Variants in FAM227B observed in about 807,000 individuals in gnomAD.
FAM227B encodes protein FAM227B.
FAM227B carries 88 observed loss-of-function variants against 73.8 expected under a neutral mutation model. The ratio of observed to expected loss-of-function variants is 1.19; its 90% confidence interval spans 1.00 to 1.42. The LOEUF (loss-of-function observed/expected upper bound fraction) is 1.42. Among genes scored for constraint, FAM227B ranks in the 40% most tolerant of loss-of-function variants. The probability of loss-of-function intolerance (pLI) is 0.00; values close to 1 mark genes in which losing one functional copy is unlikely to be tolerated. For synonymous variants in FAM227B, 210 were observed against 190.5 expected, an observed-to-expected ratio of 1.10 and a Z score of -0.84; for missense variants, 632 against 590.9, an observed-to-expected ratio of 1.07 and a Z score of -0.72.
intron 6 of FAM227B, 22 bp from the exon 7 acceptor site, chr15:49,576,867 A>G (rs1330102443): frequency 9.1e-6 from 13 of 1,428,966 alleles, no homozygotes; most frequent in African/African-American, 1.4e-5. Flanking sequence ...AAAATATAAC[A>G]GGAGAGTAAA....
At chr15:49,427,942 G>A (rs1191106719) in intron 11 of FAM227B, among the ~76,000 whole-genome samples, 2 of 151,976 alleles carry the variant, frequency 1.3e-5, no homozygotes, top group Non-Finnish European at 2.9e-5. Context: ...TGGATTGTGA[G>A]GTTGTCACTT....
In FAM227B at chr15:49,329,806, T is replaced by TAAAA. The variant is rs558009170; in HGVS notation, c.1420-1135_1420-1132dup. On this transcript the variant is annotated intron_variant, in intron 15 of 15. Transcript: ENST00000299338. The stretch of plus-strand genomic sequence containing the variant: ...TTCTTTAAAGATACCTGGATCAGTG[T>TAAAA]AAAAAAAAAAAAAAAAAGGCACCTG... 24 of 729,654 alleles carry TAAAA rather than the reference T, an allele frequency of 3.3e-5. No homozygotes were observed. The Admixed American group carries it at 5.1e-4, about 16-fold the overall frequency. 45.2% of individuals were successfully genotyped at this position (729,654 alleles called of 1,614,324 possible).
At chr15:49,436,714 A>G (rs1284593651) in intron 11 of FAM227B, among the ~76,000 whole-genome samples, 2 of 151,576 alleles carry the variant, frequency 1.3e-5, no homozygotes, top group African/African-American at 4.8e-5. Flanking sequence ...ATAGCTAGTA[A>G]CTGTCAAAGT....
intron 11 of FAM227B, among the ~76,000 whole-genome samples, chr15:49,471,269 T>G (rs1316028411): frequency 6.6e-6 from 1 of 151,706 alleles, no homozygotes; most frequent in East Asian, 1.9e-4. Flanking sequence ...GTGGATCACC[T>G]AGGTCAGGAG....
rs1243927630 is a variant in FAM227B, at chr15:49,489,879, T to TAGAG, written c.1012+18331_1012+18332insCTCT. Among the ~76,000 whole-genome samples the TAGAG allele has an allele frequency of 5.4e-4, 10 of 18,480 alleles. 1 individual carries two copies. The highest frequency in any genetic ancestry group is 2.0e-3 in the South Asian group (1 of 496). 12.1% of individuals were successfully genotyped at this position (18,480 alleles called of 152,430 possible). ...TATATTTTATATATATATATATATA[T>TAGAG]ATATAGAGAGAGAGAGAGAGAGAGA... On this transcript the variant is annotated intron_variant, in intron 11 of 15. Transcript: ENST00000299338.
chr15:49,469,363 T>G (rs2054539889), intron 11 of FAM227B, among the ~76,000 whole-genome samples: 1 of 152,164 alleles, frequency 6.6e-6, no homozygotes, highest in South Asian at 2.1e-4. Context: ...TTTAATTCTA[T>G]TTCTACTTGA....
intron 9 of FAM227B, among the ~76,000 whole-genome samples, chr15:49,543,554 G>GT (rs2071384959): frequency 6.6e-6 from 1 of 151,992 alleles, no homozygotes; most frequent in Admixed American, 6.6e-5. Context: ...TTTGCTTTTG[G>GT]TTTTTTGGTC....
At chr15:49,358,809 G>A (rs2043648880) in intron 13 of FAM227B, among the ~76,000 whole-genome samples, 1 of 152,038 alleles carries the variant, frequency 6.6e-6, no homozygotes, top group Admixed American at 6.6e-5. Flanking sequence ...AACAAAGCTG[G>A]AGACATCACA....
chr15:49,512,463 C>A (rs2059074960), intron 10 of FAM227B, among the ~76,000 whole-genome samples: 1 of 151,750 alleles, frequency 6.6e-6, no homozygotes, highest in East Asian at 1.9e-4. Flanking sequence ...ATTTTTTGTC[C>A]CTTATCATTA....
chr15:49,458,994 T>A (rs1462445069), intron 11 of FAM227B, among the ~76,000 whole-genome samples: 1 of 152,178 alleles, frequency 6.6e-6, no homozygotes, highest in African/African-American at 2.4e-5. Flanking sequence ...ATTCGTTTGA[T>A]TGTCCTTCAT....
At chr15:49,373,070 A>G (rs1409385116) in intron 11 of FAM227B, among the ~76,000 whole-genome samples, 1 of 152,080 alleles carries the variant, frequency 6.6e-6, no homozygotes, top group Non-Finnish European at 1.5e-5. Context: ...ATTCTTAAAT[A>G]CACATATAAT....
At position 49,496,475 on chromosome 15, in the gene FAM227B, G is replaced by A. The variant is rs1485776758; in HGVS notation, c.1012+11736C>T. ...TAAAGAAATTAACATTAAAATTTTA[G>A]TCTTGTAAATAATCTAACAATACAC... is the stretch of plus-strand genomic sequence containing the variant. On this transcript the variant is annotated intron_variant, in intron 11 of 15. Coordinates refer to ENST00000299338, the MANE Select transcript of FAM227B (RefSeq NM_152647.3). Among the ~76,000 whole-genome samples the A allele has an allele frequency of 2.0e-5, 3 of 152,282 alleles. 1 individual carries two copies. In the South Asian group the frequency reaches 6.2e-4, roughly 32 times the overall value.
intron 11 of FAM227B, chr15:49,395,872 A>C (rs1057281927): frequency 4.2e-5 from 19 of 450,096 alleles, no homozygotes; most frequent in Middle Eastern, 3.3e-4. Flanking sequence ...AATCTCTCTA[A>C]ATTTTCATGG....
chr15:49,391,098 C>A (rs1044930948), intron 11 of FAM227B, among the ~76,000 whole-genome samples: 12 of 152,042 alleles, frequency 7.9e-5, no homozygotes, highest in African/African-American at 2.9e-4. Flanking sequence ...AATTTATATT[C>A]AAATTATGTC....
chr15:49,539,430 T>C (rs2070741572), intron 10 of FAM227B, among the ~76,000 whole-genome samples: 1 of 152,204 alleles, frequency 6.6e-6, no homozygotes, highest in African/African-American at 2.4e-5. Flanking sequence ...TGATGTTCAG[T>C]GCCCACAAAA....
At chr15:49,490,420 A>G (rs76998055) in intron 11 of FAM227B, among the ~76,000 whole-genome samples, 1,682 of 152,134 alleles carry the variant, frequency 0.011, 34 homozygotes, top group African/African-American at 0.039. Flanking sequence ...ATTGTTTTCC[A>G]TATTCTTCAG....
chr15:49,549,134 C>T lies in FAM227B; in HGVS notation c.748-7328G>A, dbSNP rs76294161. 4.7e-3 allele frequency among the ~76,000 whole-genome samples: 710 copies of T among 152,144 alleles called. 7 individuals are homozygous for T. Among genetic ancestry groups the T allele is most frequent in the African/African-American group, 0.016 (672 of 41,536 alleles). On this transcript the variant is annotated intron_variant, in intron 9 of 15. Transcript: ENST00000299338. Reference sequence around the variant, plus strand: ...AAGTTGTTCTTTATTGATGTAGGCACTTACAGCTATAAATATGCCTCTTAG... The same window carrying T: ...AAGTTGTTCTTTATTGATGTAGGCATTTACAGCTATAAATATGCCTCTTAG...
intron 11 of FAM227B, among the ~76,000 whole-genome samples, chr15:49,489,754 A>G (rs1709976526): frequency 7.2e-6 from 1 of 138,334 alleles, no homozygotes; most frequent in African/African-American, 2.6e-5. Context: ...TTCTATATAT[A>G]TCTATAGATA....
At chr15:49,460,214 T>TA (rs775204588) in intron 11 of FAM227B, among the ~76,000 whole-genome samples, 29 of 151,182 alleles carry the variant, frequency 1.9e-4, no homozygotes, top group East Asian at 9.7e-4. Context: ...TCTGAAGCCT[T>TA]AAAAAAAAAG....
Sources: allele counts gnomAD v4.1 joint callset (sites outside exome capture counted in the v4.1 genomes callset), GRCh38; gene constraint gnomAD v4.1.1; transcripts MANE v1.5; gene names NCBI Gene and HGNC (gene_info 2026-07-23, HGNC 2026-07-21).